The following KPNA5 variants were observed in gnomAD, a reference collection of about 807,000 sequenced individuals.
The protein encoded by KPNA5 is karyopherin subunit alpha 5.
KPNA5 carries 46 observed loss-of-function variants against 71.3 expected under a neutral mutation model. The observed-to-expected ratio is 0.65, with a 90% CI of 0.51 to 0.83. The LOEUF (loss-of-function observed/expected upper bound fraction) is 0.83. KPNA5 is among the 40% of genes least tolerant of loss of function. The pLI is 0.00. For missense variants in KPNA5, 547 were observed against 628.3 expected (o/e 0.87, Z 1.38); for synonymous variants, 207 against 201.4 (o/e 1.03, Z -0.24).
In KPNA5 at chr6:116,718,764, CT is replaced by C. The variant is rs200994704; in HGVS notation, c.756+2456del. On this transcript the variant is annotated intron_variant, in intron 8 of 13. Transcript: ENST00000368564. ...AATCATTCACTTTTTTTGAAATTTT[CT>C]TTTTTTTTTCTTCTTTTTTTGAGAT... is the stretch of plus-strand genomic sequence containing the variant. 6.7e-3 allele frequency among the ~76,000 whole-genome samples: 986 copies of C among 146,590 alleles called. 6 individuals carry two copies. The highest frequency in any genetic ancestry group is 0.024 in the African/African-American group (948 of 39,214).
chr6:116,724,828 T>G (rs1554257888), intron 10 of KPNA5, among the ~76,000 whole-genome samples: 1 of 152,130 alleles, frequency 6.6e-6, no homozygotes, highest in Non-Finnish European at 1.5e-5. Context: ...TTGCCCAAGT[T>G]GGTCTCAAAT....
At chr6:116,710,552 A>C (rs896128875) in intron 7 of KPNA5, among the ~76,000 whole-genome samples, 40 of 151,988 alleles carry the variant, frequency 2.6e-4, no homozygotes, top group African/African-American at 9.2e-4. Flanking sequence ...CATTCTTTCC[A>C]TTATTTTAAG....
At position 116,737,346 on chromosome 6, in the gene KPNA5, G is replaced by A. The variant is rs1416616512; in HGVS notation, c.*5023G>A. 2.0e-5 allele frequency: 3 copies of A among 151,984 alleles called. No homozygotes were observed. Among genetic ancestry groups the A allele is most frequent in the Non-Finnish European group, 1.5e-5 (1 of 67,948 alleles). 9.4% of individuals were successfully genotyped at this position (151,984 alleles called of 1,614,324 possible). A position where few individuals can be genotyped will look rare whatever the true frequency, so the allele number is the denominator to read the frequency against. On this transcript the variant is annotated 3_prime_UTR_variant, in exon 14 of 14. Coordinates refer to ENST00000368564, the MANE Select transcript of KPNA5 (RefSeq NM_001366306.2). ...GTGCTTTCAGGTGATTCTTTAGAAG[G>A]CCTTGGGTAGTAGTCACATGTGGTC...
At chr6:116,702,208 C>T in intron 6 of KPNA5, 58 bp downstream of exon 6, 1 of 1,532,560 alleles carries the variant, frequency 6.5e-7, no homozygotes, top group East Asian at 2.3e-5. Flanking sequence ...CTTGAAAGTA[C>T]CATTTGTAAT....
intron 1 of KPNA5, chr6:116,681,584 G>A (rs1161639676): frequency 1.6e-6 from 2 of 1,218,460 alleles, no homozygotes; most frequent in African/African-American, 3.2e-5. Context: ...AGGTCCTCTG[G>A]AGTGATGGGC....
At chr6:116,710,392 TA>T (rs1197355723) in intron 7 of KPNA5, among the ~76,000 whole-genome samples, 5 of 151,144 alleles carry the variant, frequency 3.3e-5, no homozygotes, top group Admixed American at 6.6e-5. Flanking sequence ...TCTCTTTTTT[TA>T]AAAAAAAAAT....
chr6:116,706,378 T>C (rs1046699235), intron 7 of KPNA5, among the ~76,000 whole-genome samples: 3 of 152,212 alleles, frequency 2.0e-5, no homozygotes, highest in Admixed American at 6.5e-5. Flanking sequence ...AGTACCCAGC[T>C]ATGTAGTAAT....
At chr6:116,715,475 C>A (rs1049917570) in intron 7 of KPNA5, among the ~76,000 whole-genome samples, 6 of 151,910 alleles carry the variant, frequency 3.9e-5, no homozygotes, top group African/African-American at 1.5e-4. Flanking sequence ...CAGTAGATAC[C>A]AAGGTTCATT....
intron 1 of KPNA5, among the ~76,000 whole-genome samples, chr6:116,685,143 A>G (rs1777525855): frequency 6.6e-6 from 1 of 152,228 alleles, no homozygotes; most frequent in South Asian, 2.1e-4. Flanking sequence ...ATGTTCTTTA[A>G]CTGGAAAACT....
chr6:116,730,854 T>C (rs1583450294), intron 13 of KPNA5, among the ~76,000 whole-genome samples: 2 of 152,136 alleles, frequency 1.3e-5, no homozygotes, highest in East Asian at 3.8e-4. Flanking sequence ...TGGTTATCTA[T>C]TTGACTTTTT....
intron 13 of KPNA5, among the ~76,000 whole-genome samples, chr6:116,730,964 T>C (rs182249043): frequency 1.4e-3 from 216 of 152,214 alleles, no homozygotes; most frequent in African/African-American, 5.0e-3. Flanking sequence ...ACACATTCTT[T>C]TATTTTAATA....
intron 6 of KPNA5, among the ~76,000 whole-genome samples, chr6:116,702,669 A>G (rs1036014159): frequency 3.3e-5 from 5 of 151,956 alleles, no homozygotes; most frequent in African/African-American, 1.2e-4. Context: ...ATTTGTTTCA[A>G]AAAAAAAGTG....
Position 116,735,138 on chromosome 6 carries a change from A to T in KPNA5, c.*2815A>T, listed in dbSNP as rs1245649794. 6.6e-6 allele frequency: 1 copy of T among 151,774 alleles called. No homozygotes were observed. The highest frequency in any genetic ancestry group is 1.5e-5 in the Non-Finnish European group (1 of 67,740). The allele number at this position is 151,774 out of a possible 1,614,324, so 9.4% of individuals were successfully genotyped here. A position where few individuals can be genotyped will look rare whatever the true frequency, so the allele number is the denominator to read the frequency against. ...AATTTTAGTGTCATTTGGTCAACTT[A>T]CTGGTAACACCAGAACAAGAAAGCA... is the stretch of plus-strand genomic sequence containing the variant. On this transcript the variant is annotated 3_prime_UTR_variant, in exon 14 of 14. Coordinates refer to ENST00000368564, the MANE Select transcript of KPNA5 (RefSeq NM_001366306.2).
chr6:116,714,606 C>T (rs1440741925), intron 7 of KPNA5, among the ~76,000 whole-genome samples: 1 of 152,152 alleles, frequency 6.6e-6, no homozygotes, highest in Non-Finnish European at 1.5e-5. Flanking sequence ...CTTTTCACAT[C>T]CCTCATAGCC....
chr6:116,712,745 G>T (rs568531790), intron 7 of KPNA5, among the ~76,000 whole-genome samples: 2 of 152,240 alleles, frequency 1.3e-5, no homozygotes, highest in African/African-American at 4.8e-5. Flanking sequence ...GATTATAGGT[G>T]TGAGCCATAG....
At position 116,692,278 on chromosome 6, in the gene KPNA5, G is replaced by T; in HGVS notation, c.241-15G>T. ...ATATGTAAATGTTAATTATATTTTTGTGTGTGTGTTTTAGGAAGAAGTTGT... is the reference window on the plus strand; with the variant it reads ...ATATGTAAATGTTAATTATATTTTTTTGTGTGTGTTTTAGGAAGAAGTTGT... On this transcript the variant is annotated splice_polypyrimidine_tract_variant and intron_variant, in intron 3 of 13. Transcript: ENST00000368564. The T allele has an allele frequency of 6.7e-7, 1 of 1,486,084 alleles. No homozygotes were observed. The highest frequency in any genetic ancestry group is 9.3e-7 in the Non-Finnish European group (1 of 1,079,502). The allele number at this position is 1,486,084 out of a possible 1,614,324, so 92.1% of individuals were successfully genotyped here.
intron 7 of KPNA5, among the ~76,000 whole-genome samples, chr6:116,710,226 A>G (rs949145577): frequency 1.3e-5 from 2 of 152,152 alleles, no homozygotes; most frequent in Non-Finnish European, 2.9e-5. Context: ...CCATGTGGTC[A>G]TAGTATAAGC....
At chr6:116,730,267 A>G (rs932751462) in intron 13 of KPNA5, among the ~76,000 whole-genome samples, 22 of 151,670 alleles carry the variant, frequency 1.5e-4, no homozygotes, top group African/African-American at 5.3e-4. Context: ...TTGTATTTTT[A>G]GTAGAGACGG....
intron 7 of KPNA5, among the ~76,000 whole-genome samples, chr6:116,710,279 T>C (rs1214054542): frequency 6.6e-6 from 1 of 152,196 alleles, no homozygotes; most frequent in Non-Finnish European, 1.5e-5. Context: ...GATTTTTGTA[T>C]GTATATTCCG....
Sources: allele counts gnomAD v4.1 joint callset (sites outside exome capture counted in the v4.1 genomes callset), GRCh38; gene constraint gnomAD v4.1.1; transcripts MANE v1.5; gene names NCBI Gene and HGNC (gene_info 2026-07-23, HGNC 2026-07-21).